The following PRKCH variants were observed in gnomAD, a reference collection of about 807,000 sequenced individuals.
PRKCH encodes the protein protein kinase C eta type.
Under a neutral mutation model 82.5 loss-of-function variants are expected in PRKCH, and 28 were observed. That is an observed-to-expected ratio of 0.34 (90% CI 0.25 to 0.47). PRKCH has a LOEUF of 0.47. Among genes scored for constraint, PRKCH ranks in the 20% least tolerant of loss-of-function variants. The probability of loss-of-function intolerance (pLI) is 1.00; values close to 1 mark genes in which losing one functional copy is unlikely to be tolerated. For missense variants in PRKCH, 705 were observed against 881.8 expected (o/e 0.80, Z 2.54); for synonymous variants, 322 against 327.4 (o/e 0.98, Z 0.18).
At chr14:61,268,782 C>A (rs76721595) in intron 1 of PRKCH, among the ~76,000 whole-genome samples, 1 of 152,132 alleles carries the variant, frequency 6.6e-6, no homozygotes, top group African/African-American at 2.4e-5. Flanking sequence ...TGTTCCAGTA[C>A]AAGCAATTCA....
upstream of PRKCH, among the ~76,000 whole-genome samples, chr14:61,318,279 G>T (rs960071028): frequency 1.3e-5 from 2 of 151,424 alleles, no homozygotes; most frequent in Non-Finnish European, 2.9e-5. Flanking sequence ...TCACTTTGTT[G>T]CCCAGGCTGC....
intron 1 of PRKCH, among the ~76,000 whole-genome samples, chr14:61,240,527 G>A (rs939906219): frequency 2.6e-5 from 4 of 152,158 alleles, no homozygotes; most frequent in African/African-American, 9.7e-5. Flanking sequence ...CCAGTTGGGT[G>A]GACCTGGTTT....
At chr14:61,196,589 A>T (rs985030651) in intron 1 of PRKCH, among the ~76,000 whole-genome samples, 2 of 152,232 alleles carry the variant, frequency 1.3e-5, no homozygotes, top group Non-Finnish European at 2.9e-5. Flanking sequence ...GGACTATAAA[A>T]GTTAGTGCTG....
Position 61,405,621 on chromosome 14 carries a change from G to T in PRKCH, c.427+14333G>T, listed in dbSNP as rs183203864. On this transcript the variant is annotated intron_variant, in intron 2 of 13. Transcript: ENST00000332981. ...TCGAACTCCTGATCTCAGGTGATCG[G>T]CACCCCTTGGCCTCCCAGAGTGCTG... 9.0e-3 allele frequency among the ~76,000 whole-genome samples: 1,374 copies of T among 152,236 alleles called. 30 individuals are homozygous for T. Among genetic ancestry groups the T allele is most frequent in the African/African-American group, 0.031 (1,307 of 41,538 alleles).
rs901837163 is a variant in PRKCH at position 61,530,330 on chromosome 14, C to A, written c.1573-77C>A. ...AAAACTTTGATATTTCCTAATGCAT[C>A]AATTTCCCTAGTTATGAAGAACACA... On this transcript the variant is annotated intron_variant, in intron 11 of 13. Coordinates refer to ENST00000332981, the MANE Select transcript of PRKCH (RefSeq NM_006255.5). 3.3e-5 allele frequency: 46 copies of A among 1,373,310 alleles called. No individual in the cohort carries two copies. The South Asian group carries it at 8.5e-4, about 26-fold the overall frequency. 85.1% of individuals were successfully genotyped at this position (1,373,310 alleles called of 1,614,324 possible). A position where few individuals can be genotyped will look rare whatever the true frequency, so the allele number is the denominator to read the frequency against.
At chr14:61,377,385 T>C (rs2046440742) in intron 1 of PRKCH, among the ~76,000 whole-genome samples, 1 of 152,258 alleles carries the variant, frequency 6.6e-6, no homozygotes, top group Admixed American at 6.5e-5. Flanking sequence ...TTTAACTACA[T>C]GATTTGTCTT....
rs956610949 is a variant in PRKCH at position 61,530,452 on chromosome 14, A to G, written c.1618A>G (p.Met540Val). The G allele has an allele frequency of 9.3e-6, 15 of 1,609,644 alleles. No homozygotes were observed. Among genetic ancestry groups the G allele is most frequent in the Admixed American group, 5.1e-5 (3 of 59,364 alleles). Residue 540 changes from methionine (M) to valine (V), a missense_variant, in exon 12 of 14, where the codon ATG (methionine) becomes GTG (valine). Around this residue, in one of 5 missense-constraint regions of PRKCH, gnomAD observed 115 missense variants for 193.8 expected, o/e 0.59. Coordinates refer to ENST00000332981, the MANE Select transcript of PRKCH (RefSeq NM_006255.5). Reference sequence around the variant, plus strand: ...CGGGCCTGCAGTAGACTGGTGGGCAATGGGCGTGTTGCTCTATGAGATGCT... The same window carrying G: ...CGGGCCTGCAGTAGACTGGTGGGCAGTGGGCGTGTTGCTCTATGAGATGCT... ...LYGPAVDWWA[M>V]GVLLYEMLCG...
chr14:61,383,985 C>G (rs1372394381), intron 1 of PRKCH, among the ~76,000 whole-genome samples: 1 of 152,196 alleles, frequency 6.6e-6, no homozygotes, highest in East Asian at 1.9e-4. Flanking sequence ...TCTCGGAGAC[C>G]AGCGGAGGCT....
intron 1 of PRKCH, among the ~76,000 whole-genome samples, chr14:61,296,382 C>T (rs2045406164): frequency 6.6e-6 from 1 of 152,154 alleles, no homozygotes; most frequent in Admixed American, 6.5e-5. Context: ...ATCCCTTCTC[C>T]ATGTGTGCTG....
intron 1 of PRKCH, among the ~76,000 whole-genome samples, chr14:61,348,341 A>G (rs2046023988): frequency 6.6e-6 from 1 of 152,110 alleles, no homozygotes. Context: ...ATAGAAGGAA[A>G]AAGCTCGTGG....
At chr14:61,445,770 T>C in intron 4 of PRKCH, 44 bp downstream of exon 4, 1 of 1,544,370 alleles carries the variant, frequency 6.5e-7, no homozygotes, top group Non-Finnish European at 9.0e-7. Flanking sequence ...TGTTCCTATG[T>C]TAAAAGAAAT....
chr14:61,239,586 T>G (rs902960182), intron 1 of PRKCH, among the ~76,000 whole-genome samples: 5 of 152,242 alleles, frequency 3.3e-5, no homozygotes, highest in Non-Finnish European at 7.3e-5. Flanking sequence ...AATGTGCTCT[T>G]GCGCCTTGGG....
At chr14:61,291,486 C>T (rs1283020725) in intron 1 of PRKCH, among the ~76,000 whole-genome samples, 4 of 152,070 alleles carry the variant, frequency 2.6e-5, no homozygotes, top group African/African-American at 9.7e-5. Flanking sequence ...TGTGCCACCA[C>T]GCCCAGCTAA....
chr14:61,355,738 G>A (rs1435112187), intron 1 of PRKCH, among the ~76,000 whole-genome samples: 1 of 152,112 alleles, frequency 6.6e-6, no homozygotes, highest in Non-Finnish European at 1.5e-5. Context: ...TTCTTGGAAT[G>A]TTACTATTCA....
At chr14:61,439,335 A>G (rs1041100068) in intron 2 of PRKCH, among the ~76,000 whole-genome samples, 4 of 152,112 alleles carry the variant, frequency 2.6e-5, no homozygotes, top group Non-Finnish European at 5.9e-5. Context: ...TCATGGCAGC[A>G]GTCTAGAACA....
chr14:61,521,072 T>C (rs901182523), intron 10 of PRKCH, among the ~76,000 whole-genome samples: 2 of 152,234 alleles, frequency 1.3e-5, no homozygotes, highest in Non-Finnish European at 2.9e-5. Flanking sequence ...GCATAGGAGA[T>C]ATAAATATGT....
At chr14:61,391,810 G>T (rs1459191518) in intron 2 of PRKCH, among the ~76,000 whole-genome samples, 1 of 152,124 alleles carries the variant, frequency 6.6e-6, no homozygotes, top group Non-Finnish European at 1.5e-5. Context: ...TAGATCAGAA[G>T]TGAACAATTT....
At chr14:61,371,612 C>T (rs1236255423) in intron 1 of PRKCH, among the ~76,000 whole-genome samples, 1 of 152,058 alleles carries the variant, frequency 6.6e-6, no homozygotes, top group Non-Finnish European at 1.5e-5. Context: ...TTCATTCCAT[C>T]ATGTCATATC....
chr14:61,425,204 G>A (rs1372448298), intron 2 of PRKCH, among the ~76,000 whole-genome samples: 2 of 152,228 alleles, frequency 1.3e-5, no homozygotes, highest in Non-Finnish European at 2.9e-5. Flanking sequence ...GTTCAGCTGT[G>A]AGAAAAGGGC....
Sources: gnomAD v4.1 joint callset for allele counts (sites outside exome capture counted in the v4.1 genomes callset) on GRCh38, gnomAD v4.1.1 for gene constraint, gnomAD v4.1.1 regional missense constraint, MANE v1.5 for transcripts, NCBI Gene and HGNC (gene_info 2026-07-23, HGNC 2026-07-21) for gene names.